NTN1: variants seen among roughly 807,000 people sequenced by gnomAD.
NTN1 encodes netrin-1.
In NTN1, 11 loss-of-function variants were observed where a neutral mutation model predicts 54.2. The ratio of observed to expected loss-of-function variants is 0.20; its 90% confidence interval spans 0.13 to 0.34. The LOEUF (loss-of-function observed/expected upper bound fraction) is 0.34, where lower values mean the gene tolerates loss of function less well. Among genes scored for constraint, NTN1 ranks in the 10% least tolerant of loss-of-function variants. NTN1 has a pLI of 1.00. For missense variants in NTN1, 740 were observed against 893.1 expected, an observed-to-expected ratio of 0.83 and a Z score of 2.18; for synonymous variants, 371 against 382.0, an observed-to-expected ratio of 0.97 and a Z score of 0.33.
chr17:9,218,900 G>C (rs1335185780), intron 5 of NTN1, among the ~76,000 whole-genome samples: 2 of 146,894 alleles, frequency 1.4e-5, no homozygotes, highest in African/African-American at 5.1e-5. Context: ...GCTGGTGTGG[G>C]ATGATGGCTT....
At chr17:9,005,022 A>G in the NTN1 span, among the ~76,000 whole-genome samples, 1 of 152,166 alleles carries the variant, frequency 6.6e-6, no homozygotes, top group Non-Finnish European at 1.5e-5. Flanking sequence ...GGATAAAATG[A>G]GATCACATGT....
At chr17:9,222,684 C>G (rs1567743537) in intron 6 of NTN1, among the ~76,000 whole-genome samples, 3 of 152,174 alleles carry the variant, frequency 2.0e-5, no homozygotes, top group African/African-American at 7.2e-5. Flanking sequence ...AGCTCCGTCC[C>G]TTCCCTGACC....
In NTN1 at chr17:9,023,089, A is replaced by G. The variant is rs2091858443; in HGVS notation, c.716A>G (p.Gln239Arg). The G allele has an allele frequency of 6.4e-7, 1 of 1,571,272 alleles. No homozygotes were observed. Among genetic ancestry groups the G allele is most frequent in the Non-Finnish European group, 8.6e-7 (1 of 1,159,396 alleles). Residue 239 changes from glutamine to arginine, a missense_variant, in exon 2 of 7, where the codon CAG becomes CGG. Transcript: ENST00000173229. The stretch of plus-strand genomic sequence containing the variant: ...GACTTCGACAACTCGCCCGTGCTGC[A>G]GGACTGGGTCACGGCCACAGACATC... Reference protein sequence around the residue: ...AHDFDNSPVLQDWVTATDIRV... With the variant: ...AHDFDNSPVLRDWVTATDIRV...
rs58245153 is a variant in NTN1, at chr17:9,215,250, T to TACACACACAC, written c.1412-5888_1412-5879dup. On this transcript the variant is annotated intron_variant, in intron 5 of 6. Transcript: ENST00000173229. ...TTTTATATATACATAGCTAGATAGA[T>TACACACACAC]ACACACACACACACACACACACACA... 3.9e-3 allele frequency among the ~76,000 whole-genome samples: 538 copies of TACACACACAC among 138,304 alleles called. 4 individuals are homozygous for TACACACACAC. The highest frequency in any genetic ancestry group is 0.016 in the East Asian group (80 of 5,026). 90.7% of individuals were successfully genotyped at this position (138,304 alleles called of 152,430 possible).
At chr17:9,056,390 C>T (rs1453691882) in intron 2 of NTN1, among the ~76,000 whole-genome samples, 1 of 152,184 alleles carries the variant, frequency 6.6e-6, no homozygotes, top group Non-Finnish European at 1.5e-5. Context: ...TGATGGGGAG[C>T]CGCCATCTTG....
intron 2 of NTN1, among the ~76,000 whole-genome samples, chr17:9,068,927 T>G (rs867935077): frequency 2.0e-5 from 3 of 152,172 alleles, no homozygotes; most frequent in Non-Finnish European, 2.9e-5. Context: ...GTGGCTGGTG[T>G]CCACACCATA....
intron 2 of NTN1, among the ~76,000 whole-genome samples, chr17:9,113,568 T>C (rs1567713513): frequency 6.6e-6 from 1 of 152,070 alleles, no homozygotes; most frequent in African/African-American, 2.4e-5. Flanking sequence ...CGGGAGAACA[T>C]GTCAGGAGAT....
chr17:9,193,739 A>G lies in NTN1; in HGVS notation c.1411+10770A>G, dbSNP rs188452492. On this transcript the variant is annotated intron_variant, in intron 5 of 6. Transcript: ENST00000173229. ...GGAGTTTGAGACCAGCCTGACCAACATGGAGAAACCCCGTCTCTAGTAAAA... is the reference window on the plus strand; with the variant it reads ...GGAGTTTGAGACCAGCCTGACCAACGTGGAGAAACCCCGTCTCTAGTAAAA... Among the ~76,000 whole-genome samples, 561 of 151,720 alleles carry G rather than the reference A, an allele frequency of 3.7e-3. 1 individual carries two copies. Among genetic ancestry groups the G allele is most frequent in the Admixed American group, 5.8e-3 (89 of 15,220 alleles).
chr17:9,028,793 T>C (rs1160295305), intron 2 of NTN1, among the ~76,000 whole-genome samples: 1 of 152,226 alleles, frequency 6.6e-6, no homozygotes, highest in Non-Finnish European at 1.5e-5. Flanking sequence ...GTCCACTGGA[T>C]TGTTACTCAT....
chr17:9,114,747 G>A (rs750206944), intron 2 of NTN1, among the ~76,000 whole-genome samples: 3 of 152,134 alleles, frequency 2.0e-5, no homozygotes, highest in Non-Finnish European at 2.9e-5. Flanking sequence ...GAGCGAGACT[G>A]TGTCTCAAAA....
At chr17:9,129,398 G>T (rs912055038) in intron 2 of NTN1, among the ~76,000 whole-genome samples, 2 of 152,134 alleles carry the variant, frequency 1.3e-5, no homozygotes, top group African/African-American at 4.8e-5. Context: ...GTGAGTCTTC[G>T]TCTGGCTTCT....
At chr17:9,112,202 C>T (rs1306539653) in intron 2 of NTN1, among the ~76,000 whole-genome samples, 1 of 152,228 alleles carries the variant, frequency 6.6e-6, no homozygotes, top group Admixed American at 6.5e-5. Context: ...GGACAGGACA[C>T]TCTGTGAACA....
Position 9,162,773 on chromosome 17 carries a change from C to T in NTN1, c.1019-40C>T, listed in dbSNP as rs202006223. On this transcript the variant is annotated intron_variant, in intron 2 of 6. Transcript: ENST00000173229. The stretch of plus-strand genomic sequence containing the variant: ...CGCTCTTGGGTGCCTGTCCTCCCCG[C>T]GCCCCTGCGGCTGACACCTCTCTCT... The T allele has an allele frequency of 3.9e-4, 617 of 1,569,922 alleles. 9 individuals carry two copies. In the South Asian group the frequency reaches 6.4e-3, roughly 16 times the overall value.
intron 2 of NTN1, among the ~76,000 whole-genome samples, chr17:9,085,418 T>C (rs975621215): frequency 1.3e-5 from 2 of 152,202 alleles, no homozygotes; most frequent in Admixed American, 6.5e-5. Flanking sequence ...TCCACTCATA[T>C]TCCATCGCCT....
At chr17:9,137,103 G>A (rs891195872) in intron 2 of NTN1, among the ~76,000 whole-genome samples, 17 of 152,078 alleles carry the variant, frequency 1.1e-4, no homozygotes. Context: ...TATGCTTTAA[G>A]ACCTGGCTCA....
intron 2 of NTN1, among the ~76,000 whole-genome samples, chr17:9,039,917 T>A (rs1192958710): frequency 3.9e-5 from 6 of 152,238 alleles, no homozygotes; most frequent in African/African-American, 1.2e-4. Flanking sequence ...GTTTCTAGTT[T>A]TTGGCTATTA....
At chr17:9,236,718 C>T (rs1038516739) in intron 6 of NTN1, among the ~76,000 whole-genome samples, 1 of 152,204 alleles carries the variant, frequency 6.6e-6, no homozygotes. Context: ...CCTCTGGACT[C>T]CCGGCAGCAA....
At chr17:9,150,555 G>A (rs375391255) in intron 2 of NTN1, among the ~76,000 whole-genome samples, 3 of 152,226 alleles carry the variant, frequency 2.0e-5, no homozygotes, top group African/African-American at 7.2e-5. Flanking sequence ...AGCAGACAAA[G>A]AACTGATGAC....
chr17:9,066,709 G>A (rs2092016094), intron 2 of NTN1, among the ~76,000 whole-genome samples: 2 of 151,790 alleles, frequency 1.3e-5, no homozygotes, highest in South Asian at 4.2e-4. Context: ...ATTACAAATG[G>A]CACGTTGTGG....
Sources: allele counts gnomAD v4.1 joint callset (sites outside exome capture counted in the v4.1 genomes callset), GRCh38; gene constraint gnomAD v4.1.1; transcripts MANE v1.5; gene names NCBI Gene and HGNC (gene_info 2026-07-23, HGNC 2026-07-21).